SLIT3: variants seen among roughly 807,000 people sequenced by gnomAD.
SLIT3 encodes the protein slit guidance ligand 3, also known as slit homolog 3 protein.
A neutral mutation model predicts 184.0 loss-of-function variants in SLIT3; 68 were observed. The observed-to-expected ratio is 0.37, with a 90% CI of 0.30 to 0.45. The LOEUF (loss-of-function observed/expected upper bound fraction) is 0.45. Ranked by LOEUF, SLIT3 falls within the 20% of genes least tolerant of loss-of-function variation. SLIT3 has a pLI of 1.00. For missense variants in SLIT3, 1,707 were observed against 2,026.0 expected (o/e 0.84, Z 3.02); for synonymous variants, 831 against 828.6 (o/e 1.00, Z -0.05).
chr5:168,926,231 G>A (rs1221568387), intron 4 of SLIT3, among the ~76,000 whole-genome samples: 1 of 152,112 alleles, frequency 6.6e-6, no homozygotes, highest in South Asian at 2.1e-4. Context: ...TTTCTCTTGG[G>A]AGCGGTGACT....
At chr5:169,275,510 T>G (rs571983596) in intron 1 of SLIT3, among the ~76,000 whole-genome samples, 21 of 152,278 alleles carry the variant, frequency 1.4e-4, no homozygotes, top group Non-Finnish European at 2.4e-4. Context: ...ATCTGTTTTT[T>G]TACGCCGCTG....
At chr5:168,783,900 C>A (rs1483155877) in intron 12 of SLIT3, among the ~76,000 whole-genome samples, 1 of 152,200 alleles carries the variant, frequency 6.6e-6, no homozygotes, top group Non-Finnish European at 1.5e-5. Flanking sequence ...CTACTCGATT[C>A]CATCTGCTCA....
intron 20 of SLIT3, among the ~76,000 whole-genome samples, chr5:168,727,299 A>G (rs1763162331): frequency 6.6e-6 from 1 of 152,210 alleles, no homozygotes; most frequent in South Asian, 2.1e-4. Context: ...TAGCCTGGGC[A>G]ACACAGTGAG....
intron 1 of SLIT3, among the ~76,000 whole-genome samples, chr5:169,266,724 GCTAA>G (rs1322704160): frequency 6.6e-6 from 1 of 152,160 alleles, no homozygotes; most frequent in African/African-American, 2.4e-5. Context: ...CCTTGTCTAT[GCTAA>G]CTGATACACC....
chr5:168,859,905 T>C (rs1759039850), intron 5 of SLIT3, among the ~76,000 whole-genome samples: 1 of 152,150 alleles, frequency 6.6e-6, no homozygotes, highest in Admixed American at 6.5e-5. Flanking sequence ...TGAGCCCTGA[T>C]TACCAACTGT....
intron 4 of SLIT3, among the ~76,000 whole-genome samples, chr5:169,105,229 G>A (rs932986526): frequency 6.6e-5 from 10 of 152,042 alleles, no homozygotes; most frequent in Admixed American, 2.0e-4. Context: ...GGTGGGGGAC[G>A]GCTTCCCTCT....
chr5:169,061,573 C>T (rs926710956), intron 4 of SLIT3, among the ~76,000 whole-genome samples: 12 of 152,240 alleles, frequency 7.9e-5, no homozygotes, highest in African/African-American at 2.7e-4. Context: ...GCACCTAATG[C>T]CTGGCCCATC....
chr5:169,236,313 A>G (rs1765194517), intron 3 of SLIT3, among the ~76,000 whole-genome samples: 1 of 152,340 alleles, frequency 6.6e-6, no homozygotes, highest in South Asian at 2.1e-4. Flanking sequence ...GCACAACAAC[A>G]TGCCTCAGTC....
intron 4 of SLIT3, among the ~76,000 whole-genome samples, chr5:168,990,232 C>T (rs965622987): frequency 6.6e-6 from 1 of 152,216 alleles, no homozygotes; most frequent in East Asian, 1.9e-4. Flanking sequence ...ACCTTCTCTT[C>T]CCACAATCTC....
intron 11 of SLIT3, among the ~76,000 whole-genome samples, chr5:168,786,674 A>T (rs1165696972): frequency 6.6e-6 from 1 of 152,016 alleles, no homozygotes; most frequent in Non-Finnish European, 1.5e-5. Context: ...TCTCTGATTC[A>T]TGGGCCTCAT....
chr5:169,120,694 T>C (rs1277404153), intron 4 of SLIT3, among the ~76,000 whole-genome samples: 1 of 152,220 alleles, frequency 6.6e-6, no homozygotes, highest in Non-Finnish European at 1.5e-5. Flanking sequence ...ATCTAAGGAC[T>C]TGCACCTTGC....
At chr5:169,124,116 A>G (rs1439554099) in intron 4 of SLIT3, among the ~76,000 whole-genome samples, 3 of 152,132 alleles carry the variant, frequency 2.0e-5, no homozygotes, top group Non-Finnish European at 4.4e-5. Context: ...TAAAATCTGT[A>G]AAGGGCCCCC....
At chr5:169,090,940 C>G (rs1759561175) in intron 4 of SLIT3, among the ~76,000 whole-genome samples, 1 of 152,210 alleles carries the variant, frequency 6.6e-6, no homozygotes, top group South Asian at 2.1e-4. Flanking sequence ...TTGTGCTCCT[C>G]CATCGTATTC....
chr5:169,158,469 T>C (rs535815581), intron 4 of SLIT3, among the ~76,000 whole-genome samples: 4 of 150,900 alleles, frequency 2.7e-5, no homozygotes, highest in South Asian at 2.1e-4. Flanking sequence ...CCCTAAAAGA[T>C]GGCTAAAAAA....
intron 1 of SLIT3, 104 bp from the exon 2 acceptor site, chr5:169,251,563 G>A (rs1002536152): frequency 1.3e-5 from 10 of 780,676 alleles, no homozygotes; most frequent in East Asian, 4.9e-5. Context: ...TCCAGAAGGC[G>A]GCAATTCTGA....
chr5:169,120,449 C>A (rs1055843860), intron 4 of SLIT3: 1 of 152,126 alleles, frequency 6.6e-6, no homozygotes, highest in South Asian at 2.1e-4. Context: ...GAGGAAGGAG[C>A]CTTGAGCCAA....
chr5:168,846,411 A>G (rs2113718111), intron 5 of SLIT3, among the ~76,000 whole-genome samples: 1 of 152,130 alleles, frequency 6.6e-6, no homozygotes, highest in South Asian at 2.1e-4. Context: ...CCTCTTTTTC[A>G]TAGATTTCTT....
At chr5:169,283,004 G>GC (rs1767040757) in intron 1 of SLIT3, among the ~76,000 whole-genome samples, 1 of 152,200 alleles carries the variant, frequency 6.6e-6, no homozygotes, top group African/African-American at 2.4e-5. Context: ...CAATATGCAG[G>GC]CAAGTTTGAG....
At chr5:169,286,745 A>C (rs1351558389) in intron 1 of SLIT3, among the ~76,000 whole-genome samples, 1 of 152,030 alleles carries the variant, frequency 6.6e-6, no homozygotes, top group Non-Finnish European at 1.5e-5. Flanking sequence ...TTTTCCCCCC[A>C]CACAACTACA....
Sources: allele counts gnomAD v4.1 joint callset (sites outside exome capture counted in the v4.1 genomes callset), GRCh38; gene constraint gnomAD v4.1.1; transcripts MANE v1.5; gene names NCBI Gene and HGNC (gene_info 2026-07-23, HGNC 2026-07-21).